Variants in STMN4 observed in about 807,000 individuals in gnomAD.
STMN4 encodes the protein stathmin-4.
Under a neutral mutation model 29.1 loss-of-function variants are expected in STMN4, and 12 were observed. That is an observed-to-expected ratio of 0.41 (90% CI 0.26 to 0.67). STMN4 has a LOEUF of 0.67. Among genes scored for constraint, STMN4 ranks in the 30% least tolerant of loss-of-function variants. The probability of loss-of-function intolerance (pLI) is 0.30; values close to 1 mark genes in which losing one functional copy is unlikely to be tolerated. For synonymous variants in STMN4, 114 were observed against 105.3 expected (o/e 1.08, Z -0.51); for missense variants, 181 against 262.8 (o/e 0.69, Z 2.15).
At chr8:27,241,324 T>A (rs1773502618) in intron 4 of STMN4, 62 bp from the exon 5 acceptor site, 9 of 1,601,150 alleles carry the variant, frequency 5.6e-6, no homozygotes, top group Non-Finnish European at 7.7e-6. Flanking sequence ...CCAGCAAGCA[T>A]GCGGCGCATG....
intron 5 of STMN4, among the ~76,000 whole-genome samples, chr8:27,240,410 T>C (rs543176392): frequency 2.0e-5 from 3 of 152,304 alleles, no homozygotes; most frequent in African/African-American, 7.2e-5. Flanking sequence ...ATTGCCATCA[T>C]TCATTCATTC....
In STMN4 at chr8:27,248,627, G is replaced by A. The variant is rs55960220; in HGVS notation, c.-78-4826C>T. Reference sequence around the variant, plus strand: ...CAATAATAACAACTACCATTCTTGGGCAGGAAAAGCACGGCTGTTATCTCA... The same window carrying A: ...CAATAATAACAACTACCATTCTTGGACAGGAAAAGCACGGCTGTTATCTCA... On this transcript the variant is annotated intron_variant, in intron 1 of 6. Transcript: ENST00000350889. Among the ~76,000 whole-genome samples the A allele has an allele frequency of 5.4e-3, 827 of 152,320 alleles. 2 individuals carry two copies. The highest frequency in any genetic ancestry group is 8.8e-3 in the Non-Finnish European group (598 of 68,036).
intron 2 of STMN4, among the ~76,000 whole-genome samples, chr8:27,242,892 A>G (rs1801517320): frequency 6.6e-6 from 1 of 151,812 alleles, no homozygotes; most frequent in African/African-American, 2.4e-5. Context: ...ACTCCATTCT[A>G]CTCCAAATAC....
Position 27,240,904 on chromosome 8 carries a change from T to C in STMN4, c.399+150A>G, listed in dbSNP as rs765240803. The stretch of plus-strand genomic sequence containing the variant: ...TTTAGTTCTTTGTTTCCCTCAATGG[T>C]GTCTCATTCTCCACCGCACACTCGG... On this transcript the variant is annotated intron_variant, in intron 5 of 6. Coordinates refer to ENST00000350889, the MANE Select transcript of STMN4 (RefSeq NM_030795.4). 67 of 759,884 alleles carry C rather than the reference T, an allele frequency of 8.8e-5. 2 individuals carry two copies. In the South Asian group the frequency reaches 1.3e-3, roughly 14 times the overall value. 47.1% of individuals were successfully genotyped at this position (759,884 alleles called of 1,614,324 possible). A position where few individuals can be genotyped will look rare whatever the true frequency, so the allele number is the denominator to read the frequency against.
chr8:27,241,881 G>T, intron 3 of STMN4, 124 bp from the exon 4 acceptor site: 1 of 1,126,184 alleles, frequency 8.9e-7, no homozygotes, highest in Non-Finnish European at 1.3e-6. Context: ...AGCACCCCTG[G>T]TGAGGACGTG....
chr8:27,253,329 T>A (rs572578732), intron 1 of STMN4, among the ~76,000 whole-genome samples: 18 of 152,366 alleles, frequency 1.2e-4, no homozygotes, highest in African/African-American at 3.8e-4. Context: ...TGTTAAAATC[T>A]TTTATGTCTA....
intron 1 of STMN4, among the ~76,000 whole-genome samples, chr8:27,244,814 G>T (rs919277779): frequency 2.6e-5 from 4 of 152,202 alleles, no homozygotes; most frequent in African/African-American, 4.8e-5. Context: ...GATCAGAGGG[G>T]TGGAGGTGAT....
At chr8:27,239,709 T>C in intron 6 of STMN4, 1 of 1,447,020 alleles carries the variant, frequency 6.9e-7, no homozygotes. Context: ...CAGACATATA[T>C]GCTCCCTAAG....
chr8:27,237,837 G>C (rs999718799), intron 6 of STMN4, among the ~76,000 whole-genome samples: 5 of 152,194 alleles, frequency 3.3e-5, no homozygotes, highest in African/African-American at 4.8e-5. Context: ...TCACTGTGCA[G>C]ATTCTCTATT....
chr8:27,239,980 C>A lies in STMN4; in HGVS notation c.582G>T (p.Leu194=). The A allele has an allele frequency of 4.3e-6, 7 of 1,614,246 alleles. No homozygotes were observed. Among genetic ancestry groups the A allele is most frequent in the Non-Finnish European group, 5.9e-6 (7 of 1,180,048 alleles). ...GCCAGGGACCCCTCACCTTCTCTTG[C>A]AGCCGTTCCAACATGGCGGCGAGGT... ...EAHLAAMLER[L]QEKDKHAEEV... Residue 194 remains leucine (L), a synonymous_variant, in exon 6 of 7, where the codon CTG becomes CTT. Coordinates refer to ENST00000350889, the MANE Select transcript of STMN4 (RefSeq NM_030795.4).
At chr8:27,255,064 A>G (rs539675156) in intron 1 of STMN4, among the ~76,000 whole-genome samples, 13 of 137,988 alleles carry the variant, frequency 9.4e-5, no homozygotes, top group African/African-American at 3.4e-4. Context: ...TAAAACTCTG[A>G]AAAAAAAAAC....
At chr8:27,257,551 C>T (rs991225968) in intron 1 of STMN4, among the ~76,000 whole-genome samples, 2 of 151,806 alleles carry the variant, frequency 1.3e-5, no homozygotes, top group Non-Finnish European at 2.9e-5. Context: ...TCCACCACAC[C>T]TGATTGTGTC....
At chr8:27,252,136 G>A (rs1281233904) in intron 1 of STMN4, among the ~76,000 whole-genome samples, 9 of 148,176 alleles carry the variant, frequency 6.1e-5, no homozygotes, top group African/African-American at 1.9e-4. Flanking sequence ...CAAAGGACAC[G>A]AACTCATCAT....
chr8:27,253,671 T>C (rs1011718625), intron 1 of STMN4, among the ~76,000 whole-genome samples: 2 of 152,212 alleles, frequency 1.3e-5, no homozygotes, highest in Non-Finnish European at 2.9e-5. Flanking sequence ...ATTCTGGTGT[T>C]TTCTTTACTT....
rs750471211 is a variant in STMN4 at position 27,239,997 on chromosome 8, C to T, written c.565G>A (p.Ala189Thr). 4 of 1,614,228 alleles carry T rather than the reference C, an allele frequency of 2.5e-6. No homozygotes were observed. The highest frequency in any genetic ancestry group is 3.4e-6 in the Non-Finnish European group (4 of 1,180,044). ...TTCTCTTGCAGCCGTTCCAACATGG[C>T]GGCGAGGTGGGCCTCCCTGTTCTCC... is the stretch of plus-strand genomic sequence containing the variant. The part of the protein sequence containing the change: ...NKENREAHLA[A>T]MLERLQEKDK... Residue 189 changes from alanine to threonine, a missense_variant, in exon 6 of 7, where the codon GCC becomes ACC. Ala to Thr is a moderately conservative substitution (Grantham distance 58, BLOSUM62 0). Coordinates refer to ENST00000350889, the MANE Select transcript of STMN4 (RefSeq NM_030795.4).
chr8:27,254,357 T>G (rs1563423315), intron 1 of STMN4, among the ~76,000 whole-genome samples: 1 of 152,194 alleles, frequency 6.6e-6, no homozygotes, highest in African/African-American at 2.4e-5. Context: ...GCTCAGCTCC[T>G]TTCTCTGGAT....
At chr8:27,245,718 G>A (rs142181716) in intron 1 of STMN4, among the ~76,000 whole-genome samples, 10 of 152,350 alleles carry the variant, frequency 6.6e-5, no homozygotes, top group Middle Eastern at 3.4e-3. Context: ...CCTGGGGAAA[G>A]GATCAGAAGT....
At position 27,235,344 on chromosome 8, in the gene STMN4, A is replaced by G. The variant is rs529111332; in HGVS notation, c.*1502T>C. 25 of 154,688 alleles carry G rather than the reference A, an allele frequency of 1.6e-4. No individual in the cohort carries two copies. Among genetic ancestry groups the G allele is most frequent in the Non-Finnish European group, 2.6e-4 (18 of 69,612 alleles). The allele number at this position is 154,688 out of a possible 1,614,324, so 9.6% of individuals were successfully genotyped here. The stretch of plus-strand genomic sequence containing the variant: ...AAAAAAAGGCTATACCAAAGGGTTT[A>G]TTTGCAAAGCTGTAAAAAACTACAC... On this transcript the variant is annotated 3_prime_UTR_variant, in exon 7 of 7. Coordinates refer to ENST00000350889, the MANE Select transcript of STMN4 (RefSeq NM_030795.4).
chr8:27,237,510 C>A (rs984714975), intron 6 of STMN4, among the ~76,000 whole-genome samples: 4 of 152,208 alleles, frequency 2.6e-5, no homozygotes, highest in Non-Finnish European at 5.9e-5. Flanking sequence ...CCACCTCTGT[C>A]TCCCAACGTG....
Sources: gnomAD v4.1 joint callset for allele counts (sites outside exome capture counted in the v4.1 genomes callset) on GRCh38, gnomAD v4.1.1 for gene constraint, MANE v1.5 for transcripts, NCBI Gene and HGNC (gene_info 2026-07-23, HGNC 2026-07-21) for gene names.